The following ARB2A variants were observed in gnomAD, a reference collection of about 807,000 sequenced individuals.
ARB2A encodes cotranscriptional regulator ARB2A.
the ARB2A span, among the ~76,000 whole-genome samples, chr5:93,726,312 A>G: frequency 6.6e-6 from 1 of 152,110 alleles, no homozygotes; most frequent in East Asian, 1.9e-4. Flanking sequence ...TGTCAACTAT[A>G]ATACCATGCC....
chr5:94,044,451 G>C, the ARB2A span, among the ~76,000 whole-genome samples: 3 of 152,084 alleles, frequency 2.0e-5, no homozygotes, highest in East Asian at 5.8e-4. Context: ...CATACAGAAA[G>C]AGATCCTCAT....
At chr5:94,016,443 A>C in the ARB2A span, among the ~76,000 whole-genome samples, 12 of 152,220 alleles carry the variant, frequency 7.9e-5, no homozygotes, top group Non-Finnish European at 1.8e-4. Context: ...AATGGATATA[A>C]ATAATGTAAA....
At chr5:93,869,988 G>A in the ARB2A span, among the ~76,000 whole-genome samples, 1 of 152,206 alleles carries the variant, frequency 6.6e-6, no homozygotes, top group Non-Finnish European at 1.5e-5. Flanking sequence ...TCACATGGAC[G>A]CGTGAGACAG....
At chr5:93,740,994 T>C in the ARB2A span, 2 of 1,613,752 alleles carry the variant, frequency 1.2e-6, no homozygotes, top group Non-Finnish European at 1.7e-6. Context: ...CTGCTTCCAC[T>C]TCCTTCAGCC....
At chr5:93,829,896 G>A in the ARB2A span, among the ~76,000 whole-genome samples, 1 of 152,124 alleles carries the variant, frequency 6.6e-6, no homozygotes, top group Non-Finnish European at 1.5e-5. Context: ...ACTTTTAGTG[G>A]CTGCCAGCAT....
the ARB2A span, among the ~76,000 whole-genome samples, chr5:94,030,297 A>C: frequency 6.6e-6 from 1 of 152,252 alleles, no homozygotes; most frequent in Non-Finnish European, 1.5e-5. Context: ...GGCTAAAATC[A>C]AAGTATCAGT....
the ARB2A span, among the ~76,000 whole-genome samples, chr5:93,817,087 A>C: frequency 1.4e-5 from 2 of 144,272 alleles, no homozygotes; most frequent in Admixed American, 1.4e-4. Context: ...AATACACACA[A>C]ACACACACAC....
chr5:93,765,740 C>T, the ARB2A span, among the ~76,000 whole-genome samples: 6,585 of 152,092 alleles, frequency 0.043, 461 homozygotes, highest in African/African-American at 0.15. Flanking sequence ...GTCAATCCTA[C>T]GCCAAAAGAA....
chr5:93,740,908 C>A, the ARB2A span: 4 of 1,613,876 alleles, frequency 2.5e-6, no homozygotes, highest in African/African-American at 1.3e-5. Flanking sequence ...TCCGATTCGT[C>A]GCTCTCTGCT....
chr5:93,991,413 C>G, the ARB2A span, among the ~76,000 whole-genome samples: 1 of 151,928 alleles, frequency 6.6e-6, no homozygotes, highest in Admixed American at 6.6e-5. Context: ...TAGAGAAATT[C>G]ACAGAAACAG....
the ARB2A span, chr5:93,865,896 T>C: frequency 2.1e-5 from 21 of 985,316 alleles, no homozygotes; most frequent in Non-Finnish European, 2.4e-5. Flanking sequence ...ACAATGAATG[T>C]CCACCTTATC....
chr5:93,898,514 T>C, the ARB2A span, among the ~76,000 whole-genome samples: 3 of 152,056 alleles, frequency 2.0e-5, no homozygotes, highest in Admixed American at 6.6e-5. Context: ...TTTTGGGTAG[T>C]GGCAGCTCTT....
chr5:93,741,542 T>C, the ARB2A span: 4 of 1,587,136 alleles, frequency 2.5e-6, no homozygotes, highest in East Asian at 4.5e-5. Flanking sequence ...CAGAAGTGGT[T>C]TGAGGGCCTG....
chr5:93,867,224 T>C, the ARB2A span, among the ~76,000 whole-genome samples: 2 of 152,192 alleles, frequency 1.3e-5, no homozygotes, highest in Non-Finnish European at 2.9e-5. Flanking sequence ...ACAGAACCAA[T>C]ATACTTTGGT....
chr5:93,982,770 A>T, the ARB2A span, among the ~76,000 whole-genome samples: 1 of 152,190 alleles, frequency 6.6e-6, no homozygotes, highest in East Asian at 1.9e-4. Flanking sequence ...TATACCTAAA[A>T]AGGGAAGGGC....
chr5:93,998,014 CACAG>C, the ARB2A span, among the ~76,000 whole-genome samples: 1 of 151,742 alleles, frequency 6.6e-6, no homozygotes, highest in African/African-American at 2.4e-5. Flanking sequence ...CACACACACA[CACAG>C]AGAGAGAAAT....
chr5:93,618,010 T>A, the ARB2A span: 1 of 152,106 alleles, frequency 6.6e-6, no homozygotes, highest in African/African-American at 2.4e-5. Context: ...CTTTAAAAAA[T>A]CTCTATGCAA....
chr5:93,807,981 C>T, the ARB2A span, among the ~76,000 whole-genome samples: 4 of 151,940 alleles, frequency 2.6e-5, no homozygotes, highest in African/African-American at 9.7e-5. Flanking sequence ...GTGATCAATG[C>T]AAGAACACAT....
chr5:93,697,924 C>T, the ARB2A span, among the ~76,000 whole-genome samples: 1 of 152,014 alleles, frequency 6.6e-6, no homozygotes, highest in South Asian at 2.1e-4. Flanking sequence ...AGGGTTTAAC[C>T]CTTTTATAAA....
Sources: gnomAD v4.1 joint callset for allele counts (sites outside exome capture counted in the v4.1 genomes callset) on GRCh38, gnomAD v4.1.1 for gene constraint, MANE v1.5 for transcripts, NCBI Gene and HGNC (gene_info 2026-07-23, HGNC 2026-07-21) for gene names.